Variants in ADIPOR2 observed in about 807,000 individuals in gnomAD.
The protein encoded by ADIPOR2 is adiponectin receptor protein 2.
A neutral mutation model predicts 40.9 loss-of-function variants in ADIPOR2; 18 were observed. The observed-to-expected ratio is 0.44, with a 90% CI of 0.30 to 0.65. ADIPOR2 has a LOEUF of 0.65. Among genes scored for constraint, ADIPOR2 ranks in the 30% least tolerant of loss-of-function variants. The probability of loss-of-function intolerance (pLI) is 0.09; values close to 1 mark genes in which losing one functional copy is unlikely to be tolerated. For synonymous variants in ADIPOR2, 165 were observed against 166.4 expected, an observed-to-expected ratio of 0.99 and a Z score of 0.06; for missense variants, 283 against 479.2, an observed-to-expected ratio of 0.59 and a Z score of 3.82.
intron 1 of ADIPOR2, among the ~76,000 whole-genome samples, chr12:1,750,200 T>C (rs533566276): frequency 3.6e-4 from 55 of 152,112 alleles, no homozygotes; most frequent in Non-Finnish European, 5.9e-4. Context: ...TAATTTTCTA[T>C]GGAGCAGTTG....
intron 2 of ADIPOR2, chr12:1,760,620 T>C (rs1458105624): frequency 6.6e-6 from 1 of 152,262 alleles, no homozygotes; most frequent in Non-Finnish European, 1.5e-5. Flanking sequence ...CATAATGTTT[T>C]TAAGTTTCAT....
At chr12:1,779,156 A>G (rs1028502645) in intron 4 of ADIPOR2, among the ~76,000 whole-genome samples, 2 of 152,250 alleles carry the variant, frequency 1.3e-5, no homozygotes, top group Non-Finnish European at 2.9e-5. Flanking sequence ...GAGTTACCAG[A>G]AATCAACTCC....
intron 1 of ADIPOR2, among the ~76,000 whole-genome samples, chr12:1,723,799 C>T (rs1401383495): frequency 6.6e-6 from 1 of 152,072 alleles, no homozygotes; most frequent in Non-Finnish European, 1.5e-5. Context: ...TAGAATTACC[C>T]TGTGATCCAG....
At chr12:1,695,363 A>C (rs1458152199) in intron 1 of ADIPOR2, among the ~76,000 whole-genome samples, 4 of 151,784 alleles carry the variant, frequency 2.6e-5, no homozygotes, top group African/African-American at 9.7e-5. Flanking sequence ...TTAAAAAAAA[A>C]AAAAAGTGGG....
chr12:1,719,782 C>T (rs1254535606), intron 1 of ADIPOR2, among the ~76,000 whole-genome samples: 1 of 151,604 alleles, frequency 6.6e-6, no homozygotes, highest in Non-Finnish European at 1.5e-5. Flanking sequence ...TCAAGCAGTT[C>T]TCCTGCGACA....
chr12:1,755,254 A>G (rs966181442), intron 2 of ADIPOR2, among the ~76,000 whole-genome samples: 3 of 151,614 alleles, frequency 2.0e-5, no homozygotes, highest in Non-Finnish European at 4.4e-5. Context: ...TACTTTTTGT[A>G]TTTTTAGTAG....
intron 1 of ADIPOR2, among the ~76,000 whole-genome samples, chr12:1,692,152 A>G (rs7304096): frequency 0.012 from 1,783 of 151,480 alleles, 42 homozygotes; most frequent in African/African-American, 0.041. Flanking sequence ...GAAAGCTGTC[A>G]TAACATTTAG....
Position 1,786,145 on chromosome 12 carries a change from T to A in ADIPOR2, c.*73T>A. On this transcript the variant is annotated 3_prime_UTR_variant, in exon 8 of 8. Coordinates refer to ENST00000357103, the MANE Select transcript of ADIPOR2 (RefSeq NM_024551.3). ...ACTTGCGGGCCTCCCTGCTGGCTACTGATGCCAGTACCAGAGGAGCCCCAA... is the reference window on the plus strand; with the variant it reads ...ACTTGCGGGCCTCCCTGCTGGCTACAGATGCCAGTACCAGAGGAGCCCCAA... 6.4e-7 allele frequency: 1 copy of A among 1,556,678 alleles called. No individual in the cohort carries two copies. Among genetic ancestry groups the A allele is most frequent in the South Asian group, 1.2e-5 (1 of 82,034 alleles).
chr12:1,781,806 A>G (rs1166762795), intron 6 of ADIPOR2, among the ~76,000 whole-genome samples: 1 of 152,226 alleles, frequency 6.6e-6, no homozygotes, highest in Non-Finnish European at 1.5e-5. Context: ...ACCCTGGATC[A>G]TCCGGGGGTA....
chr12:1,732,686 AC>A (rs1448437950), intron 1 of ADIPOR2, among the ~76,000 whole-genome samples: 1 of 152,172 alleles, frequency 6.6e-6, no homozygotes, highest in Non-Finnish European at 1.5e-5. Flanking sequence ...TGCCTTTCTA[AC>A]TTTTGTATTT....
chr12:1,776,890 G>A (rs1862606432), intron 3 of ADIPOR2, among the ~76,000 whole-genome samples: 2 of 152,176 alleles, frequency 1.3e-5, no homozygotes, highest in African/African-American at 4.8e-5. Context: ...GTGTCATTTT[G>A]TTTGATCTTC....
chr12:1,768,761 G>A (rs1565655034), intron 2 of ADIPOR2, among the ~76,000 whole-genome samples: 1 of 152,146 alleles, frequency 6.6e-6, no homozygotes, highest in Non-Finnish European at 1.5e-5. Flanking sequence ...AAAGTCAAAT[G>A]TTACTATGTT....
intron 1 of ADIPOR2, among the ~76,000 whole-genome samples, chr12:1,739,014 A>G (rs547087817): frequency 3.9e-5 from 6 of 152,326 alleles, no homozygotes; most frequent in African/African-American, 1.4e-4. Flanking sequence ...TTATGCTGCC[A>G]TAAAATTTTT....
At chr12:1,751,933 T>G (rs538666755) in intron 1 of ADIPOR2, among the ~76,000 whole-genome samples, 1 of 151,746 alleles carries the variant, frequency 6.6e-6, no homozygotes, top group African/African-American at 2.4e-5. Flanking sequence ...TCTTTTTTTT[T>G]TTTGAGATGG....
intron 1 of ADIPOR2, among the ~76,000 whole-genome samples, chr12:1,715,083 A>C (rs2094684916): frequency 2.0e-5 from 3 of 151,728 alleles, no homozygotes; most frequent in Admixed American, 2.0e-4. Flanking sequence ...TGGGTGGTGG[A>C]GATTAGAGGA....
intron 2 of ADIPOR2, among the ~76,000 whole-genome samples, chr12:1,761,344 A>G (rs189360484): frequency 1.3e-3 from 193 of 152,182 alleles, no homozygotes; most frequent in Admixed American, 5.1e-3. Flanking sequence ...AAGCTTTTGT[A>G]TGGATGTGTT....
At chr12:1,772,538 A>G (rs1233491117) in intron 2 of ADIPOR2, among the ~76,000 whole-genome samples, 1 of 152,118 alleles carries the variant, frequency 6.6e-6, no homozygotes, top group Admixed American at 6.5e-5. Context: ...ACTTTATGTA[A>G]TATTATTATG....
intron 1 of ADIPOR2, among the ~76,000 whole-genome samples, chr12:1,701,370 C>G (rs985224055): frequency 6.6e-6 from 1 of 152,134 alleles, no homozygotes; most frequent in African/African-American, 2.4e-5. Flanking sequence ...GTCCATCCAC[C>G]TCGGCCTCCC....
rs574128778 is a variant in ADIPOR2, at chr12:1,787,660, C to T, written c.*1588C>T. 1 of 152,286 alleles carries T rather than the reference C, an allele frequency of 6.6e-6. No homozygotes were observed. The highest frequency in any genetic ancestry group is 1.5e-5 in the Non-Finnish European group (1 of 68,032). The allele number at this position is 152,286 out of a possible 1,614,324, so 9.4% of individuals were successfully genotyped here. ...AAGACTTGGGATGACTCCATTATAT[C>T]CTGGGGTTGTGGGTATTAGAACTAA... On this transcript the variant is annotated 3_prime_UTR_variant, in exon 8 of 8. Coordinates refer to ENST00000357103, the MANE Select transcript of ADIPOR2 (RefSeq NM_024551.3).
Sources: gnomAD v4.1 joint callset for allele counts (sites outside exome capture counted in the v4.1 genomes callset) on GRCh38, gnomAD v4.1.1 for gene constraint, MANE v1.5 for transcripts, NCBI Gene and HGNC (gene_info 2026-07-23, HGNC 2026-07-21) for gene names.